The following CHST11 variants were observed in gnomAD, a reference collection of about 807,000 sequenced individuals.
CHST11 encodes carbohydrate sulfotransferase 11.
Under a neutral mutation model 30.4 loss-of-function variants are expected in CHST11, and 9 were observed. That is an observed-to-expected ratio of 0.30 (90% CI 0.18 to 0.52). The LOEUF (loss-of-function observed/expected upper bound fraction) is 0.52. Ranked by LOEUF, CHST11 falls within the 20% of genes least tolerant of loss-of-function variation. CHST11 has a pLI of 0.97. For missense variants in CHST11, 348 were observed against 460.6 expected, an observed-to-expected ratio of 0.76 and a Z score of 2.24; for synonymous variants, 152 against 187.8, an observed-to-expected ratio of 0.81 and a Z score of 1.56.
At chr12:104,571,830 G>T (rs1703605728) in intron 1 of CHST11, among the ~76,000 whole-genome samples, 1 of 152,190 alleles carries the variant, frequency 6.6e-6, no homozygotes, top group Middle Eastern at 3.2e-3. Context: ...TGATCATTCA[G>T]TATGATATTG....
chr12:104,741,740 A>G (rs2040348686), intron 2 of CHST11, among the ~76,000 whole-genome samples: 1 of 152,212 alleles, frequency 6.6e-6, no homozygotes, highest in Non-Finnish European at 1.5e-5. Flanking sequence ...TTCACTGCAG[A>G]ACCCGCTCAT....
intron 2 of CHST11, among the ~76,000 whole-genome samples, chr12:104,707,239 T>G (rs1393599248): frequency 6.6e-6 from 1 of 152,238 alleles, no homozygotes; most frequent in Admixed American, 6.5e-5. Flanking sequence ...ACAAAGTAAC[T>G]GCTCAGTGCT....
At chr12:104,526,224 AAAGAAAAGAAAAG>A (rs1357552373) in intron 1 of CHST11, among the ~76,000 whole-genome samples, 1 of 150,828 alleles carries the variant, frequency 6.6e-6, no homozygotes, top group African/African-American at 2.5e-5. Flanking sequence ...TTAAAAAAAA[AAAGAAAAGAAAAG>A]AAAAAGAAAA....
At chr12:104,672,285 G>A (rs1373144134) in intron 2 of CHST11, among the ~76,000 whole-genome samples, 2 of 152,074 alleles carry the variant, frequency 1.3e-5, no homozygotes, top group Non-Finnish European at 2.9e-5. Context: ...GCGGAGTAAT[G>A]GCTCGTGTGA....
intron 1 of CHST11, among the ~76,000 whole-genome samples, chr12:104,581,562 A>G (rs1428843265): frequency 6.6e-6 from 1 of 152,204 alleles, no homozygotes; most frequent in Non-Finnish European, 1.5e-5. Flanking sequence ...TTAAAGGAAC[A>G]CTGCCTGGGA....
At chr12:104,693,824 G>A (rs900562232) in intron 2 of CHST11, among the ~76,000 whole-genome samples, 6 of 152,042 alleles carry the variant, frequency 3.9e-5, no homozygotes, top group Non-Finnish European at 2.9e-5. Context: ...CTAGAGATTA[G>A]GCCTCTGGGC....
intron 2 of CHST11, among the ~76,000 whole-genome samples, chr12:104,741,091 A>T (rs1042783717): frequency 2.0e-5 from 3 of 152,268 alleles, no homozygotes; most frequent in Non-Finnish European, 4.4e-5. Context: ...GGACACTGAG[A>T]TACCTGGGCC....
chr12:104,548,406 A>G (rs1348721422), intron 1 of CHST11, among the ~76,000 whole-genome samples: 1 of 152,188 alleles, frequency 6.6e-6, no homozygotes, highest in Non-Finnish European at 1.5e-5. Context: ...GATGTGAGTG[A>G]GCTCAGTGTT....
At chr12:104,713,815 C>A (rs2040107224) in intron 2 of CHST11, among the ~76,000 whole-genome samples, 1 of 152,228 alleles carries the variant, frequency 6.6e-6, no homozygotes, top group African/African-American at 2.4e-5. Context: ...CCCAGGCCAG[C>A]TCCTATGGAT....
chr12:104,536,070 T>C (rs1350430387), intron 1 of CHST11, among the ~76,000 whole-genome samples: 1 of 152,222 alleles, frequency 6.6e-6, no homozygotes, highest in African/African-American at 2.4e-5. Flanking sequence ...TCAATTCACT[T>C]TGCTGGTTTT....
intron 1 of CHST11, among the ~76,000 whole-genome samples, chr12:104,476,070 ATG>A (rs1165029168): frequency 1.4e-5 from 2 of 144,698 alleles, no homozygotes; most frequent in Admixed American, 1.4e-4. Flanking sequence ...AATTACATAT[ATG>A]TAGTTATATA....
Position 104,475,675 on chromosome 12 carries a change from TA to T in CHST11, c.118+18147del, listed in dbSNP as rs1565954830. On this transcript the variant is annotated intron_variant, in intron 1 of 2. Transcript: ENST00000303694. Reference sequence around the variant, plus strand: ...AAGCAGCATTATATATATATATATATATATATATATATATATTTCTGATTAT... The same window carrying T: ...AAGCAGCATTATATATATATATATATTATATATATATATATTTCTGATTAT... Among the ~76,000 whole-genome samples, 117 of 119,026 alleles carry T rather than the reference TA, an allele frequency of 9.8e-4. 8 individuals are homozygous for T. The Middle Eastern group carries it at 0.012, about 12-fold the overall frequency. The allele number at this position is 119,026 out of a possible 152,430, so 78.1% of individuals were successfully genotyped here. A position where few individuals can be genotyped will look rare whatever the true frequency, so the allele number is the denominator to read the frequency against.
intron 2 of CHST11, among the ~76,000 whole-genome samples, chr12:104,642,462 G>A (rs187412933): frequency 2.6e-5 from 4 of 152,166 alleles, no homozygotes; most frequent in East Asian, 3.9e-4. Flanking sequence ...GTGCAGTGGC[G>A]CAATCGTGGC....
At chr12:104,494,253 C>G (rs569872283) in intron 1 of CHST11, among the ~76,000 whole-genome samples, 58 of 152,290 alleles carry the variant, frequency 3.8e-4, no homozygotes, top group African/African-American at 1.3e-3. Flanking sequence ...CGATGAGAGA[C>G]AGAGCCTGCA....
intron 2 of CHST11, among the ~76,000 whole-genome samples, chr12:104,621,058 T>C (rs752955996): frequency 1.3e-5 from 2 of 151,882 alleles, no homozygotes; most frequent in African/African-American, 4.8e-5. Flanking sequence ...CTTGTCTCTA[T>C]CAGTTCATTT....
chr12:104,632,105 G>A (rs757236474), intron 2 of CHST11, among the ~76,000 whole-genome samples: 7 of 152,286 alleles, frequency 4.6e-5, no homozygotes, highest in African/African-American at 1.4e-4. Context: ...GCAGAGCCCC[G>A]TCCCCGAGGT....
At chr12:104,493,363 G>T (rs947427693) in intron 1 of CHST11, among the ~76,000 whole-genome samples, 1 of 152,204 alleles carries the variant, frequency 6.6e-6, no homozygotes, top group Non-Finnish European at 1.5e-5. Flanking sequence ...GAACCAGGTA[G>T]GCCTTGGGCT....
intron 2 of CHST11, among the ~76,000 whole-genome samples, chr12:104,637,335 A>AAAAAG (rs1555239335): frequency 2.1e-5 from 1 of 47,558 alleles, no homozygotes; most frequent in African/African-American, 8.4e-5. Flanking sequence ...AAAAAAAAAA[A>AAAAAG]GGGGGTTGGG....
chr12:104,562,422 C>G (rs1379938807), intron 1 of CHST11, among the ~76,000 whole-genome samples: 17 of 152,152 alleles, frequency 1.1e-4, no homozygotes, highest in Non-Finnish European at 5.9e-5. Flanking sequence ...CTGAGTTACT[C>G]TGGTAGGAAA....
Sources: gnomAD v4.1 joint callset for allele counts (sites outside exome capture counted in the v4.1 genomes callset) on GRCh38, gnomAD v4.1.1 for gene constraint, MANE v1.5 for transcripts, NCBI Gene and HGNC (gene_info 2026-07-23, HGNC 2026-07-21) for gene names.